SOBP: variants seen among roughly 807,000 people sequenced by gnomAD.
SOBP encodes the protein sine oculis binding protein homolog, also known as sine oculis-binding protein homolog.
SOBP carries 4 observed loss-of-function variants against 53.6 expected under a neutral mutation model. That is an observed-to-expected ratio of 0.07 (90% CI 0.04 to 0.17). SOBP has a LOEUF of 0.17. Among genes scored for constraint, SOBP ranks in the 10% least tolerant of loss-of-function variants. SOBP has a pLI of 1.00. For synonymous variants in SOBP, 584 were observed against 522.6 expected (o/e 1.12, Z -1.60); for missense variants, 1,088 against 1,204.7 (o/e 0.90, Z 1.43).
chr6:107,641,745 A>G (rs1407694207), intron 6 of SOBP, among the ~76,000 whole-genome samples: 1 of 152,196 alleles, frequency 6.6e-6, no homozygotes, highest in Non-Finnish European at 1.5e-5. Context: ...ATGTTCAATC[A>G]TTTACACCTA....
chr6:107,551,474 G>A (rs761080698), intron 4 of SOBP, among the ~76,000 whole-genome samples: 8 of 152,084 alleles, frequency 5.3e-5, no homozygotes, highest in Non-Finnish European at 1.0e-4. Context: ...TGATGATGGC[G>A]TTTTCTTGAT....
chr6:107,535,421 C>T (rs1783964085), intron 4 of SOBP, among the ~76,000 whole-genome samples: 1 of 152,192 alleles, frequency 6.6e-6, no homozygotes, highest in Admixed American at 6.5e-5. Context: ...CATCACATTT[C>T]ACTTTCTACC....
In SOBP at chr6:107,634,716, G is replaced by C. The variant is rs1339383576; in HGVS notation, c.1872G>C (p.Thr624=). ...GCCGGAGCGAGGTGGTGGACCTGAC[G>C]CGGCGCGCCGGCAGCCCCCCGGGCC... ...EHGRSEVVDL[T]RRAGSPPGPP... Residue 624 remains threonine (T), a synonymous_variant, in exon 6 of 7, where the codon ACG becomes ACC. Transcript: ENST00000317357. This position sits in a 1 kb window ranked among gnomAD's most constrained non-coding sequence, Gnocchi z 4.5. 1 of 1,380,178 alleles carries C rather than the reference G, an allele frequency of 7.2e-7. No individual in the cohort carries two copies. The highest frequency in any genetic ancestry group is 9.3e-7 in the Non-Finnish European group (1 of 1,074,620). The allele number at this position is 1,380,178 out of a possible 1,614,324, so 85.5% of individuals were successfully genotyped here. A position where few individuals can be genotyped will look rare whatever the true frequency, so the allele number is the denominator to read the frequency against.
intron 4 of SOBP, among the ~76,000 whole-genome samples, chr6:107,548,231 A>G (rs764837805): frequency 2.3e-4 from 35 of 151,842 alleles, no homozygotes; most frequent in African/African-American, 8.5e-4. Flanking sequence ...TACCAATAAT[A>G]TAATTTTCTT....
chr6:107,545,553 G>A (rs1250998784), intron 4 of SOBP, among the ~76,000 whole-genome samples: 1 of 152,186 alleles, frequency 6.6e-6, no homozygotes, highest in Non-Finnish European at 1.5e-5. Context: ...CTATAGAAAT[G>A]TAGTGACAAA....
At chr6:107,578,963 C>A (rs935173232) in intron 4 of SOBP, among the ~76,000 whole-genome samples, 3 of 152,116 alleles carry the variant, frequency 2.0e-5, no homozygotes, top group Non-Finnish European at 4.4e-5. Flanking sequence ...GAGCCCAACC[C>A]CCTTCTGCCT....
At chr6:107,593,799 G>C (rs763590814) in intron 5 of SOBP, among the ~76,000 whole-genome samples, 9 of 152,114 alleles carry the variant, frequency 5.9e-5, no homozygotes, top group Non-Finnish European at 1.3e-4. Flanking sequence ...GCAGATACTG[G>C]GAGTACCTGT....
At chr6:107,517,391 T>C (rs1466979166) in intron 3 of SOBP, among the ~76,000 whole-genome samples, 2 of 139,864 alleles carry the variant, frequency 1.4e-5, no homozygotes, top group African/African-American at 5.3e-5. Context: ...CACTGCCTTT[T>C]TACTATGTCC....
intron 3 of SOBP, among the ~76,000 whole-genome samples, chr6:107,508,165 G>A (rs1458846825): frequency 6.6e-6 from 1 of 152,172 alleles, no homozygotes; most frequent in African/African-American, 2.4e-5. Context: ...AAACAGTGAA[G>A]AAATTTGTAG....
At chr6:107,601,668 T>C (rs1786183954) in intron 5 of SOBP, among the ~76,000 whole-genome samples, 1 of 152,184 alleles carries the variant, frequency 6.6e-6, no homozygotes, top group Admixed American at 6.5e-5. Context: ...ACACAGAATG[T>C]CACTGGGTCT....
At chr6:107,573,571 A>G (rs1295880756) in intron 4 of SOBP, among the ~76,000 whole-genome samples, 1 of 152,174 alleles carries the variant, frequency 6.6e-6, no homozygotes, top group African/African-American at 2.4e-5. Context: ...CAGTGGTGGC[A>G]CCAGGAATCA....
chr6:107,502,121 T>A (rs112684373), intron 1 of SOBP, among the ~76,000 whole-genome samples: 58 of 152,294 alleles, frequency 3.8e-4, no homozygotes, highest in African/African-American at 1.4e-3. Flanking sequence ...GAGTCAGTAG[T>A]GTAATGTCTT....
Position 107,554,369 on chromosome 6 carries a change from T to C in SOBP, c.573+20759T>C, listed in dbSNP as rs976487410. 2.0e-5 allele frequency among the ~76,000 whole-genome samples: 3 copies of C among 152,204 alleles called. No individual in the cohort carries two copies. The East Asian group carries it at 5.8e-4, about 29-fold the overall frequency. On this transcript the variant is annotated intron_variant, in intron 4 of 6. Coordinates refer to ENST00000317357, the MANE Select transcript of SOBP (RefSeq NM_018013.4). ...CTTCTTCCATTTGCATTACAGAGAC[T>C]TGATGGATGTGGGGAAGCTCTAGTC...
rs992212018 is a variant in SOBP at position 107,634,864 on chromosome 6, G to A, written c.2020G>A (p.Ala674Thr). Residue 674 changes from alanine (A) to threonine (T), a missense_variant, in exon 6 of 7, where the codon GCG becomes ACG. Ala to Thr is a moderately conservative substitution (Grantham distance 58, BLOSUM62 0). Around this residue, in one of 6 missense-constraint regions of SOBP, gnomAD observed 665 missense variants for 629.7 expected, o/e 1.06. Transcript: ENST00000317357. This position sits in a 1 kb window ranked among gnomAD's most constrained non-coding sequence, Gnocchi z 4.5. The stretch of plus-strand genomic sequence containing the variant: ...CAACGTGATCCACCGCGCGCTGCAC[G>A]CGCACGTCAAGGCGGAGCGCGAGCC... ...LHNVIHRALH[A>T]HVKAEREPSA... 110 of 1,385,476 alleles carry A rather than the reference G, an allele frequency of 7.9e-5. No individual in the cohort carries two copies. The highest frequency in any genetic ancestry group is 9.9e-5 in the Non-Finnish European group (105 of 1,064,062). 85.8% of individuals were successfully genotyped at this position (1,385,476 alleles called of 1,614,324 possible). A position where few individuals can be genotyped will look rare whatever the true frequency, so the allele number is the denominator to read the frequency against.
At chr6:107,563,037 C>T (rs1254299390) in intron 4 of SOBP, among the ~76,000 whole-genome samples, 1 of 152,080 alleles carries the variant, frequency 6.6e-6, no homozygotes, top group Admixed American at 6.5e-5. Context: ...AGGAGGATTG[C>T]TTGAGCCCAG....
At chr6:107,504,261 T>C (rs938886548) in intron 2 of SOBP, among the ~76,000 whole-genome samples, 4 of 152,234 alleles carry the variant, frequency 2.6e-5, no homozygotes, top group African/African-American at 9.6e-5. Flanking sequence ...GAATTACTAT[T>C]TTTGTTTTGC....
At position 107,633,830 on chromosome 6, in the gene SOBP, C is replaced by G. The variant is rs1770827329; in HGVS notation, c.986C>G (p.Ser329Cys). The change falls in exon 6 of 7, where the codon TCC becomes TGC. Residue 329 changes from serine to cysteine, a missense_variant. This residue lies in a region of SOBP where 211 missense variants were observed against 258.9 expected (regional missense o/e 0.82). Coordinates refer to ENST00000317357, the MANE Select transcript of SOBP (RefSeq NM_018013.4). ...GQSQGPGPSA[S>C]TTVSPSDTAN... ...AGCCAGGGCCCTGGCCCGTCGGCGTCCACCACCGTCTCTCCATCTGACACT... is the reference window on the plus strand; with the variant it reads ...AGCCAGGGCCCTGGCCCGTCGGCGTGCACCACCGTCTCTCCATCTGACACT... 1 of 1,614,122 alleles carries G rather than the reference C, an allele frequency of 6.2e-7. No homozygotes were observed. The highest frequency in any genetic ancestry group is 1.3e-5 in the African/African-American group (1 of 75,038).
At chr6:107,548,463 C>T (rs777629173) in intron 4 of SOBP, among the ~76,000 whole-genome samples, 3 of 152,078 alleles carry the variant, frequency 2.0e-5, no homozygotes, top group South Asian at 4.2e-4. Flanking sequence ...AGGATGGTCT[C>T]CATCTCCTGA....
chr6:107,557,756 A>AGATT (rs1784656847), intron 4 of SOBP: 1 of 152,230 alleles, frequency 6.6e-6, no homozygotes, highest in Non-Finnish European at 1.5e-5. Flanking sequence ...TCTGGCTGCT[A>AGATT]AGAAAAACTT....
Sources: allele counts gnomAD v4.1 joint callset (sites outside exome capture counted in the v4.1 genomes callset), GRCh38; gene constraint gnomAD v4.1.1; regional missense constraint gnomAD v4.1.1; non-coding constraint Gnocchi (gnomAD v3.1); transcripts MANE v1.5; gene names NCBI Gene and HGNC (gene_info 2026-07-23, HGNC 2026-07-21).